The following CDCP2 variants were observed in gnomAD, a reference collection of about 807,000 sequenced individuals.
CDCP2 encodes the protein CUB domain containing protein 2.
CDCP2 carries 31 observed loss-of-function variants against 31.0 expected under a neutral mutation model. That is an observed-to-expected ratio of 1.00 (90% confidence interval 0.75 to 1.35). The LOEUF is 1.35. Ranked by LOEUF, CDCP2 falls within the 40% of genes most tolerant of loss-of-function variation. The probability of loss-of-function intolerance (pLI) is 0.00; values close to 1 mark genes in which losing one functional copy is unlikely to be tolerated. For missense variants in CDCP2, 443 were observed against 482.6 expected (o/e 0.92, Z 0.77); for synonymous variants, 206 against 207.9 (o/e 0.99, Z 0.08).
intron 3 of CDCP2, 60 bp downstream of exon 3, chr1:54,141,038 G>A: frequency 1.4e-5 from 20 of 1,402,346 alleles, no homozygotes; most frequent in Non-Finnish European, 1.9e-5. Flanking sequence ...CAAGTGTAAT[G>A]GGGAGACAGG....
intron 4 of CDCP2, chr1:54,138,152 T>G (rs931949671): frequency 6.6e-6 from 1 of 152,280 alleles, no homozygotes; most frequent in African/African-American, 2.4e-5. Flanking sequence ...AAGGGGCTTG[T>G]CCTAAATCAC....
At chr1:54,151,732 G>A (rs1300291558) in intron 1 of CDCP2, among the ~76,000 whole-genome samples, 1 of 152,116 alleles carries the variant, frequency 6.6e-6, no homozygotes, top group Non-Finnish European at 1.5e-5. Context: ...ATATCACCCC[G>A]GCTTCACAGA....
At chr1:54,138,822 T>C (rs1328891905) in intron 4 of CDCP2, 1 of 152,348 alleles carries the variant, frequency 6.6e-6, no homozygotes. Context: ...GTCTTTTCCC[T>C]CTCAGCACCT....
chr1:54,139,602 C>A (rs1299734638), intron 4 of CDCP2, 151 bp downstream of exon 4: 2 of 1,611,830 alleles, frequency 1.2e-6, no homozygotes, highest in African/African-American at 1.3e-5. Context: ...CGAGAGTGGG[C>A]AAGGGTGTAG....
In CDCP2 at chr1:54,139,568, C is replaced by T. The variant is rs369369861; in HGVS notation, c.1117+185G>A. 9.3e-6 allele frequency: 15 copies of T among 1,613,560 alleles called. No homozygotes were observed. In the Middle Eastern group the frequency reaches 6.6e-4, roughly 71 times the overall value. On this transcript the variant is annotated intron_variant, in intron 4 of 5. Transcript: ENST00000530059. ...TGCAATAGTGGAAACAAGCGGGAGC[C>T]GTACCGTCCAGTCTTAGGGGTCCCG...
intron 4 of CDCP2, among the ~76,000 whole-genome samples, chr1:54,137,507 G>A (rs748458627): frequency 9.2e-5 from 14 of 152,338 alleles, no homozygotes; most frequent in Non-Finnish European, 1.0e-4. Flanking sequence ...TACAGGTTTG[G>A]AAATGGATGC....
Position 54,134,026 on chromosome 1 carries a change from A to AACT in CDCP2, c.1297-735_1297-733dup, listed in dbSNP as rs1659215909. 3.3e-5 allele frequency among the ~76,000 whole-genome samples: 5 copies of AACT among 152,190 alleles called. No individual in the cohort carries two copies. In the South Asian group the frequency reaches 1.0e-3, roughly 32 times the overall value. On this transcript the variant is annotated intron_variant, in intron 5 of 5. Coordinates refer to ENST00000530059, the Ensembl canonical transcript of CDCP2. The stretch of plus-strand genomic sequence containing the variant: ...CCCATATTCTCACTCAGATCTGCCC[A>AACT]ACTCTTAACTGTGCTCTTGGCCATC...
intron 3 of CDCP2, 99 bp downstream of exon 3, chr1:54,140,999 C>T (rs1228593902): frequency 3.9e-6 from 4 of 1,024,698 alleles, no homozygotes; most frequent in Non-Finnish European, 5.5e-6. Context: ...AAGCTCAAGG[C>T]TGCGGGGGGC....
At chr1:54,145,303 G>A (rs1189493976) in intron 1 of CDCP2, among the ~76,000 whole-genome samples, 1 of 152,160 alleles carries the variant, frequency 6.6e-6, no homozygotes, top group Admixed American at 6.5e-5. Flanking sequence ...GTGCGCGCCT[G>A]TAGTCCCAGC....
chr1:54,148,974 A>AAAAAT (rs1553174439), intron 1 of CDCP2, among the ~76,000 whole-genome samples: 2 of 146,286 alleles, frequency 1.4e-5, no homozygotes, highest in East Asian at 3.9e-4. Flanking sequence ...TTAAAAAAAA[A>AAAAAT]ATATATATAT....
Position 54,149,756 on chromosome 1 carries a change from C to A in CDCP2, c.79+3088G>T, listed in dbSNP as rs12057903. 6.8e-3 allele frequency among the ~76,000 whole-genome samples: 1,034 copies of A among 152,266 alleles called. 9 individuals carry two copies. The highest frequency in any genetic ancestry group is 0.024 in the African/African-American group (988 of 41,548). ...CAAGGATTTCTGTGCCTCTCCCTACCGTATTGCAAGCACCCAGAGCAGTAC... is the reference window on the plus strand; with the variant it reads ...CAAGGATTTCTGTGCCTCTCCCTACAGTATTGCAAGCACCCAGAGCAGTAC... On this transcript the variant is annotated intron_variant, in intron 1 of 5. Transcript: ENST00000530059.
chr1:54,148,988 T>A (rs1011312427), intron 1 of CDCP2, among the ~76,000 whole-genome samples: 5 of 145,560 alleles, frequency 3.4e-5, no homozygotes, highest in African/African-American at 1.0e-4. Context: ...TATATATATA[T>A]AATATATAAT....
rs961875525 is a variant in CDCP2, at chr1:54,133,301, G to A, written c.1297-7C>T. On this transcript the variant is annotated splice_region_variant and splice_polypyrimidine_tract_variant and intron_variant, in intron 5 of 5. Coordinates refer to ENST00000530059, the Ensembl canonical transcript of CDCP2. ...CTGAAGTGTTGTTTCTTCTCTGTGG[G>A]GTCACAGGGTACTCATCACACCTGA... 2.5e-6 allele frequency: 1 copy of A among 398,956 alleles called. No individual in the cohort carries two copies. Among genetic ancestry groups the A allele is most frequent in the African/African-American group, 2.1e-5 (1 of 48,630 alleles). The allele number at this position is 398,956 out of a possible 1,614,324, so 24.7% of individuals were successfully genotyped here.
At chr1:54,141,116 T>C in exon 3 of CDCP2, 1 of 1,534,584 alleles carries the variant, frequency 6.5e-7, no homozygotes, top group South Asian at 1.3e-5. Flanking sequence ...TAGTAGGCCT[T>C]GAAGCCACGG....
intron 5 of CDCP2, among the ~76,000 whole-genome samples, chr1:54,134,215 G>T (rs1436621317): frequency 6.6e-6 from 1 of 152,258 alleles, no homozygotes; most frequent in South Asian, 2.1e-4. Flanking sequence ...CACCTTAGGA[G>T]CTTTGTCCCC....
intron 1 of CDCP2, among the ~76,000 whole-genome samples, chr1:54,147,070 C>A (rs1659484387): frequency 1.3e-5 from 1 of 75,040 alleles, no homozygotes; most frequent in Non-Finnish European, 2.3e-5. Flanking sequence ...AGCAAGACTC[C>A]ATCTCAAAAA....
Position 54,144,718 on chromosome 1 carries a change from GC to G in CDCP2, c.174del (p.Trp58CysfsTer2). ...GAGGATCCCTCGGCCACCACGATCA[GC>G]CAGCTGCACTCTGTGTTGTAGGGGT... On this transcript the variant is annotated frameshift_variant, in exon 2 of 6. Transcript: ENST00000530059. LOFTEE classifies it high-confidence loss of function. The G allele has an allele frequency of 6.2e-7, 1 of 1,614,254 alleles. No individual in the cohort carries two copies.
At chr1:54,141,639 T>G in intron 2 of CDCP2, 1 of 536,072 alleles carries the variant, frequency 1.9e-6, no homozygotes, top group South Asian at 3.0e-5. Context: ...GTTCAAATCC[T>G]CAGAGTAGCC....
intron 2 of CDCP2, chr1:54,142,086 A>T (rs1659384797): frequency 6.6e-6 from 1 of 152,362 alleles, no homozygotes; most frequent in African/African-American, 2.4e-5. Flanking sequence ...GAATGTGGTC[A>T]GGGCCCTGAG....
Sources: gnomAD v4.1 joint callset for allele counts (sites outside exome capture counted in the v4.1 genomes callset) on GRCh38, gnomAD v4.1.1 for gene constraint, MANE v1.5 for transcripts, NCBI Gene and HGNC (gene_info 2026-07-23, HGNC 2026-07-21) for gene names.